Variants in TRDMT1 observed in about 807,000 individuals in gnomAD.
The protein encoded by TRDMT1 is tRNA aspartic acid methyltransferase 1.
A neutral mutation model predicts 51.2 loss-of-function variants in TRDMT1; 49 were observed. The observed-to-expected ratio is 0.96, with a 90% CI of 0.76 to 1.21. The LOEUF (loss-of-function observed/expected upper bound fraction) is 1.21, where lower values mean the gene tolerates loss of function less well. Ranked by LOEUF, TRDMT1 falls within the 50% of genes most tolerant of loss-of-function variation. TRDMT1 has a pLI of 0.00. For missense variants in TRDMT1, 534 were observed against 462.3 expected (o/e 1.16, Z -1.42); for synonymous variants, 187 against 164.6 (o/e 1.14, Z -1.04).
At chr10:17,185,001 G>A (rs375446347) in intron 1 of TRDMT1, among the ~76,000 whole-genome samples, 6 of 152,032 alleles carry the variant, frequency 3.9e-5, no homozygotes, top group East Asian at 3.9e-4. Context: ...TTCCAGTTGC[G>A]TGATTTAGGC....
In TRDMT1 at chr10:17,154,628, T is replaced by C. The variant is rs528993266; in HGVS notation, c.945+49A>G. On this transcript the variant is annotated intron_variant, in intron 9 of 10. Transcript: ENST00000377799. ...CTAATGTTCTCAAAGTATTAAACAA[T>C]TTTAGTTAAAAGTTTTAAAGTGTTT... The C allele has an allele frequency of 9.4e-5, 138 of 1,466,930 alleles. 1 individual carries two copies. In the South Asian group the frequency reaches 1.8e-3, roughly 19 times the overall value. The allele number at this position is 1,466,930 out of a possible 1,614,324, so 90.9% of individuals were successfully genotyped here. A position where few individuals can be genotyped will look rare whatever the true frequency, so the allele number is the denominator to read the frequency against.
At chr10:17,164,526 A>T (rs923888581) in intron 3 of TRDMT1, among the ~76,000 whole-genome samples, 2 of 152,240 alleles carry the variant, frequency 1.3e-5, no homozygotes, top group African/African-American at 4.8e-5. Flanking sequence ...CAGGGCAATC[A>T]GGCAGGAGAA....
chr10:17,198,770 A>G (rs1845772825), intron 1 of TRDMT1, among the ~76,000 whole-genome samples: 1 of 152,254 alleles, frequency 6.6e-6, no homozygotes, highest in Admixed American at 6.5e-5. Flanking sequence ...ATTGAACTAT[A>G]CATTTAAAAA....
rs768567667 is a variant in TRDMT1, at chr10:17,157,467, A to G, written c.861T>C (p.Cys287=). ...ALLLDIVQPT[C]RRSVCFTKGY... ...CTTTGGTAAAGCACACGGACCTTCT[A>G]CAAGTGGGCTGAACAATGTCTAACA... The change falls in exon 8 of 11, where the codon TGT becomes TGC. Residue 287 remains cysteine (C), a synonymous_variant. Coordinates refer to ENST00000377799, the MANE Select transcript of TRDMT1 (RefSeq NM_004412.7). 5 of 1,610,400 alleles carry G rather than the reference A, an allele frequency of 3.1e-6. No homozygotes were observed. Among genetic ancestry groups the G allele is most frequent in the Non-Finnish European group, 3.4e-6 (4 of 1,176,920 alleles).
intron 4 of TRDMT1, among the ~76,000 whole-genome samples, chr10:17,161,896 T>C (rs1306607072): frequency 6.6e-6 from 1 of 152,200 alleles, no homozygotes; most frequent in Admixed American, 6.5e-5. Context: ...TCACTAACAT[T>C]AGCACCATCT....
At chr10:17,200,520 AGTTACTCTT>A (rs1444699771) in intron 1 of TRDMT1, 2 of 168,118 alleles carry the variant, frequency 1.2e-5, no homozygotes, top group East Asian at 3.9e-4. Flanking sequence ...TGTATCTTAC[AGTTACTCTT>A]GTTACTCTTG....
Position 17,198,276 on chromosome 10 carries a change from T to C in TRDMT1, c.64+3295A>G, listed in dbSNP as rs115253314. Among the ~76,000 whole-genome samples, 1,432 of 152,330 alleles carry C rather than the reference T, an allele frequency of 9.4e-3. 29 individuals are homozygous for C. Among genetic ancestry groups the C allele is most frequent in the African/African-American group, 0.032 (1,338 of 41,570 alleles). ...TCAAGAGTTACACAGTATTATCATA[T>C]GATCCAGCAATTCCACTGCTAGGTC... On this transcript the variant is annotated intron_variant, in intron 1 of 10. Coordinates refer to ENST00000377799, the MANE Select transcript of TRDMT1 (RefSeq NM_004412.7).
chr10:17,158,486 T>C (rs1404006816), intron 7 of TRDMT1, among the ~76,000 whole-genome samples: 2 of 152,092 alleles, frequency 1.3e-5, no homozygotes, highest in African/African-American at 4.8e-5. Context: ...TATAAAGGGA[T>C]TGAGGTGACA....
intron 1 of TRDMT1, among the ~76,000 whole-genome samples, chr10:17,177,915 T>C (rs1225646356): frequency 6.6e-6 from 1 of 152,120 alleles, no homozygotes; most frequent in Non-Finnish European, 1.5e-5. Flanking sequence ...TGTGTAGTTA[T>C]TAATGTGGGA....
At chr10:17,150,557 A>G (rs1487589905) in intron 10 of TRDMT1, 2 of 985,232 alleles carry the variant, frequency 2.0e-6, no homozygotes, top group African/African-American at 1.7e-5. Context: ...CTATAATGTT[A>G]GTTATAATGG....
At chr10:17,174,438 AAATTTATATATGCTTTATCTTCC>A in intron 2 of TRDMT1, 90 bp downstream of exon 2, 1 of 660,012 alleles carries the variant, frequency 1.5e-6, no homozygotes, top group Non-Finnish European at 2.5e-6. Flanking sequence ...CTGAACTCTT[AAATTTATATATGCTTTATCTTCC>A]AATTAAGACA....
rs1246882624 is a variant in TRDMT1 at position 17,138,881 on chromosome 10, C to G, written c.*10159G>C. Among the ~76,000 whole-genome samples, 1 of 151,928 alleles carries G rather than the reference C, an allele frequency of 6.6e-6. No individual in the cohort carries two copies. Among genetic ancestry groups the G allele is most frequent in the Non-Finnish European group, 1.5e-5 (1 of 67,990 alleles). ...TTTGGAGGAGGAGCACAGGGGTGTT[C>G]GTGGCACATGTATACACACGTGTGC... is the stretch of plus-strand genomic sequence containing the variant. On this transcript the variant is annotated 3_prime_UTR_variant, in exon 11 of 11. Coordinates refer to ENST00000377799, the MANE Select transcript of TRDMT1 (RefSeq NM_004412.7).
chr10:17,183,743 A>C (rs1394726099), intron 1 of TRDMT1, among the ~76,000 whole-genome samples: 2 of 148,552 alleles, frequency 1.3e-5, no homozygotes, highest in African/African-American at 2.5e-5. Context: ...ATAATTGGCA[A>C]AAAGCAAACA....
In TRDMT1 at chr10:17,144,492, A is replaced by G; in HGVS notation, c.*4548T>C. The G allele has an allele frequency of 1.0e-6, 1 of 985,790 alleles. No homozygotes were observed. The highest frequency in any genetic ancestry group is 1.2e-6 in the Non-Finnish European group (1 of 829,904). 61.1% of individuals were successfully genotyped at this position (985,790 alleles called of 1,614,324 possible). The stretch of plus-strand genomic sequence containing the variant: ...AAAATGAGATTTTGGAAGCTTTAGG[A>G]GTCAAGTGTGGTGTACTTGAGGGAG... On this transcript the variant is annotated 3_prime_UTR_variant, in exon 11 of 11. Coordinates refer to ENST00000377799, the MANE Select transcript of TRDMT1 (RefSeq NM_004412.7).
intron 2 of TRDMT1, chr10:17,169,641 G>C: frequency 1.4e-6 from 1 of 738,648 alleles, no homozygotes. Flanking sequence ...TTAAAGAAAT[G>C]AGCCCAGAAT....
intron 1 of TRDMT1, among the ~76,000 whole-genome samples, chr10:17,189,678 T>C (rs1375908934): frequency 6.6e-6 from 1 of 152,192 alleles, no homozygotes; most frequent in Non-Finnish European, 1.5e-5. Context: ...ACCTTAGCGA[T>C]CTATTAAAGT....
At position 17,145,333 on chromosome 10, in the gene TRDMT1, G is replaced by A. The variant is rs1838013612; in HGVS notation, c.*3707C>T. 5 of 985,438 alleles carry A rather than the reference G, an allele frequency of 5.1e-6. No individual in the cohort carries two copies. Among genetic ancestry groups the A allele is most frequent in the Non-Finnish European group, 6.0e-6 (5 of 829,980 alleles). The allele number at this position is 985,438 out of a possible 1,614,324, so 61.0% of individuals were successfully genotyped here. On this transcript the variant is annotated 3_prime_UTR_variant, in exon 11 of 11. Transcript: ENST00000377799. Reference sequence around the variant, plus strand: ...GAAAGGCATAACTAGACATCTTGGTGGGTGTGACAGAGGTCCAGAAAAGTG... The same window carrying A: ...GAAAGGCATAACTAGACATCTTGGTAGGTGTGACAGAGGTCCAGAAAAGTG...
At chr10:17,172,440 T>C (rs562541158) in intron 2 of TRDMT1, among the ~76,000 whole-genome samples, 31 of 152,272 alleles carry the variant, frequency 2.0e-4, no homozygotes, top group African/African-American at 7.2e-4. Context: ...GGAGGACCAG[T>C]TGAGCCCAAG....
chr10:17,167,226 T>A (rs1295104902), intron 3 of TRDMT1, among the ~76,000 whole-genome samples: 1 of 152,192 alleles, frequency 6.6e-6, no homozygotes, highest in African/African-American at 2.4e-5. Context: ...TCCTAGAGAA[T>A]TGTTTAAATA....
Sources: allele counts gnomAD v4.1 joint callset (sites outside exome capture counted in the v4.1 genomes callset), GRCh38; gene constraint gnomAD v4.1.1; transcripts MANE v1.5; gene names NCBI Gene and HGNC (gene_info 2026-07-23, HGNC 2026-07-21).